The following CDYL variants were observed in gnomAD, a reference collection of about 807,000 sequenced individuals.
CDYL encodes the protein chromodomain Y-like protein.
A neutral mutation model predicts 47.3 loss-of-function variants in CDYL; 8 were observed. The ratio of observed to expected loss-of-function variants is 0.17; its 90% CI spans 0.10 to 0.31. The LOEUF is 0.31. Ranked by LOEUF, CDYL falls within the 10% of genes least tolerant of loss-of-function variation. The pLI is 1.00. For missense variants in CDYL, 471 were observed against 701.4 expected, an observed-to-expected ratio of 0.67 and a Z score of 3.71; for synonymous variants, 266 against 265.0, an observed-to-expected ratio of 1.00 and a Z score of -0.04.
chr6:4,816,303 A>G (rs1384774099), intron 1 of CDYL, among the ~76,000 whole-genome samples: 1 of 149,722 alleles, frequency 6.7e-6, no homozygotes, highest in African/African-American at 2.5e-5. Context: ...ATGTAGGTTG[A>G]CTTTAAGAGT....
At chr6:4,775,028 C>T (rs1278042662), upstream of CDYL, among the ~76,000 whole-genome samples, 2 of 152,092 alleles carry the variant, frequency 1.3e-5, no homozygotes, top group African/African-American at 4.8e-5. The surrounding 1 kb of genome is among the most constrained non-coding windows in gnomAD (Gnocchi z 7.0). Context: ...TGAGACGCCC[C>T]GTGGTTGTTG....
chr6:4,810,004 G>T (rs941225743), intron 1 of CDYL, among the ~76,000 whole-genome samples: 21 of 151,908 alleles, frequency 1.4e-4, no homozygotes, highest in African/African-American at 4.6e-4. Context: ...TATAGTAGGG[G>T]TATTATATTA....
At chr6:4,822,057 C>T (rs763368822) in intron 1 of CDYL, among the ~76,000 whole-genome samples, 1 of 152,052 alleles carries the variant, frequency 6.6e-6, no homozygotes, top group Non-Finnish European at 1.5e-5. Flanking sequence ...CAACCTTGAC[C>T]TCGTGGGCTC....
chr6:4,804,335 GA>G (rs1182974155), intron 1 of CDYL, among the ~76,000 whole-genome samples: 1 of 152,238 alleles, frequency 6.6e-6, no homozygotes, highest in Non-Finnish European at 1.5e-5. Flanking sequence ...CGCTGCCTAA[GA>G]ACCTAGCTCC....
chr6:4,932,045 G>T (rs1320377886), intron 2 of CDYL, among the ~76,000 whole-genome samples: 1 of 152,194 alleles, frequency 6.6e-6, no homozygotes. Context: ...TTTAAGGAAT[G>T]TGTGACCTTT....
intron 1 of CDYL, among the ~76,000 whole-genome samples, chr6:4,791,118 C>G (rs1240206954): frequency 6.6e-6 from 1 of 152,144 alleles, no homozygotes; most frequent in Non-Finnish European, 1.5e-5. Context: ...TTTCCAAAAC[C>G]CAACATGAAG....
intron 1 of CDYL, among the ~76,000 whole-genome samples, chr6:4,798,694 G>A (rs150189662): frequency 6.6e-6 from 1 of 152,296 alleles, no homozygotes; most frequent in Non-Finnish European, 1.5e-5. Flanking sequence ...AGAGGAGTTA[G>A]GAAGCACTTT....
chr6:4,747,631 A>G (rs1431368489), intron 3 of CDYL, among the ~76,000 whole-genome samples: 1 of 152,182 alleles, frequency 6.6e-6, no homozygotes, highest in East Asian at 1.9e-4. Context: ...CACTTAGTGC[A>G]TTTATTCATC....
intron 3 of CDYL, among the ~76,000 whole-genome samples, chr6:4,739,655 C>T (rs887711654): frequency 6.6e-5 from 10 of 151,354 alleles, no homozygotes; most frequent in African/African-American, 2.2e-4. Flanking sequence ...CTAGTAAAAG[C>T]ATAAAAAGGT....
intron 4 of CDYL, among the ~76,000 whole-genome samples, chr6:4,938,221 G>GT (rs766492951): frequency 1.4e-4 from 21 of 145,026 alleles, no homozygotes; most frequent in East Asian, 4.0e-4. Flanking sequence ...TTGTTTTTTG[G>GT]TTTTTTTTGT....
chr6:4,933,464 T>C (rs1476305506), intron 2 of CDYL, among the ~76,000 whole-genome samples: 1 of 152,110 alleles, frequency 6.6e-6, no homozygotes, highest in Admixed American at 6.5e-5. Flanking sequence ...CCTGGCCATG[T>C]GGACTCTGGG....
At position 4,943,583 on chromosome 6, in the gene CDYL, A is replaced by G. The variant is rs371414089; in HGVS notation, c.1159A>G (p.Ile387Val). 5 of 1,611,038 alleles carry G rather than the reference A, an allele frequency of 3.1e-6. No individual in the cohort carries two copies. Among genetic ancestry groups the G allele is most frequent in the Non-Finnish European group, 4.2e-6 (5 of 1,177,580 alleles). The change falls in exon 5 of 7, where the codon ATT becomes GTT. Residue 387 changes from isoleucine to valine, a missense_variant. By Grantham distance (29) the Ile-to-Val change is conservative (BLOSUM62 3). This residue lies in a region of CDYL where 103 missense variants were observed against 277.1 expected (regional missense o/e 0.37). Transcript: ENST00000397588. ...VNTFIQFKKP[I>V]IVAVNGPAIG... ...TACTTTCATTCAATTTAAGAAGCCC[A>G]TTATTGTAGCAGTCAATGGCCCAGC...
intron 3 of CDYL, among the ~76,000 whole-genome samples, chr6:4,763,394 G>A (rs1164955367): frequency 1.3e-5 from 2 of 152,000 alleles, no homozygotes; most frequent in Non-Finnish European, 2.9e-5. Context: ...ATAATTTTTA[G>A]CAATTAAAAT....
At chr6:4,798,563 T>G (rs942153320) in intron 1 of CDYL, among the ~76,000 whole-genome samples, 10 of 152,234 alleles carry the variant, frequency 6.6e-5, no homozygotes, top group African/African-American at 2.4e-4. Flanking sequence ...TATGAATTGA[T>G]CTGAAGATGT....
At chr6:4,879,154 A>T (rs1761696260) in intron 1 of CDYL, among the ~76,000 whole-genome samples, 1 of 152,230 alleles carries the variant, frequency 6.6e-6, no homozygotes, top group South Asian at 2.1e-4. Context: ...TGATTTAAAG[A>T]TACATTCGAC....
chr6:4,724,523 GA>G (rs1382582045), intron 2 of CDYL: 1 of 152,448 alleles, frequency 6.6e-6, no homozygotes, highest in Admixed American at 6.5e-5. Context: ...TGATGCCGCA[GA>G]CCCTCGCTCT....
intron 1 of CDYL, among the ~76,000 whole-genome samples, chr6:4,826,440 T>C (rs2127451323): frequency 6.6e-6 from 1 of 152,320 alleles, no homozygotes; most frequent in Middle Eastern, 3.4e-3. Flanking sequence ...GGTGTAAAGT[T>C]AGGCTGCTGA....
intron 1 of CDYL, among the ~76,000 whole-genome samples, chr6:4,778,355 C>G (rs775952609): frequency 6.6e-6 from 1 of 152,134 alleles, no homozygotes; most frequent in Non-Finnish European, 1.5e-5. Context: ...TAAGTTGTAT[C>G]CTATGTGTGT....
rs555424310 is a variant in CDYL, at chr6:4,825,162, T to A, written c.24+48355T>A. 6.6e-5 allele frequency among the ~76,000 whole-genome samples: 10 copies of A among 152,308 alleles called. No individual in the cohort carries two copies. In the East Asian group the frequency reaches 1.9e-3, roughly 29 times the overall value. ...CTGGGATTTCAGGCATGAATCACCG[T>A]GCCCCACTAGCTGTTGGAATTTTGA... On this transcript the variant is annotated intron_variant, in intron 1 of 6. Coordinates refer to ENST00000397588, the MANE Select transcript of CDYL (RefSeq NM_004824.4).
Sources: allele counts gnomAD v4.1 joint callset (sites outside exome capture counted in the v4.1 genomes callset), GRCh38; gene constraint gnomAD v4.1.1; regional missense constraint gnomAD v4.1.1; non-coding constraint Gnocchi (gnomAD v3.1); transcripts MANE v1.5; gene names NCBI Gene and HGNC (gene_info 2026-07-23, HGNC 2026-07-21).